Variants in GPC6 observed in about 807,000 individuals in gnomAD.
GPC6 encodes glypican 6, also known as glypican-6.
A neutral mutation model predicts 55.2 loss-of-function variants in GPC6; 14 were observed. The ratio of observed to expected loss-of-function variants is 0.25; its 90% CI spans 0.17 to 0.40. The LOEUF (loss-of-function observed/expected upper bound fraction) is 0.40, where lower values mean the gene tolerates loss of function less well. Among genes scored for constraint, GPC6 ranks in the 10% least tolerant of loss-of-function variants. The pLI, the probability that GPC6 is intolerant of heterozygous loss-of-function variation, is 1.00. For missense variants in GPC6, 641 were observed against 708.5 expected, an observed-to-expected ratio of 0.90 and a Z score of 1.08; for synonymous variants, 278 against 259.6, an observed-to-expected ratio of 1.07 and a Z score of -0.68.
chr13:93,939,389 G>A (rs189150969), intron 3 of GPC6, among the ~76,000 whole-genome samples: 1 of 150,932 alleles, frequency 6.6e-6, no homozygotes, highest in African/African-American at 2.4e-5. Context: ...CTGCACTCCA[G>A]CCTGGGCGAC....
rs566218703 is a variant in GPC6 at position 94,142,802 on chromosome 13, A to G, written c.877+114908A>G. Among the ~76,000 whole-genome samples the G allele has an allele frequency of 2.0e-5, 3 of 151,974 alleles. No individual in the cohort carries two copies. In the South Asian group the frequency reaches 6.2e-4, roughly 32 times the overall value. ...ATGTATATATAGGAGAGAGATAGAG[A>G]GGAACATTTTGGTCGTGGACGGCTA... is the stretch of plus-strand genomic sequence containing the variant. On this transcript the variant is annotated intron_variant, in intron 4 of 8. Transcript: ENST00000377047.
chr13:93,755,778 A>T (rs1016319938), intron 2 of GPC6, among the ~76,000 whole-genome samples: 1 of 152,236 alleles, frequency 6.6e-6, no homozygotes, highest in Admixed American at 6.6e-5. Flanking sequence ...ATTTTGAAAG[A>T]AAGATTCATT....
intron 2 of GPC6, among the ~76,000 whole-genome samples, chr13:93,555,277 A>T (rs1875396929): frequency 6.6e-6 from 1 of 152,142 alleles, no homozygotes; most frequent in Non-Finnish European, 1.5e-5. Context: ...TCTTCTAAAA[A>T]CTATGATCCA....
intron 1 of GPC6, among the ~76,000 whole-genome samples, chr13:93,487,769 T>C (rs114183360): frequency 1.6e-3 from 242 of 152,298 alleles, no homozygotes; most frequent in African/African-American, 5.7e-3. Context: ...CCGCATGTTC[T>C]AGGGGAAATA....
chr13:94,154,589 A>G lies in GPC6; in HGVS notation c.877+126695A>G, dbSNP rs79739067. 8.9e-3 allele frequency among the ~76,000 whole-genome samples: 1,353 copies of G among 152,236 alleles called. 22 individuals are homozygous for G. The highest frequency in any genetic ancestry group is 0.031 in the African/African-American group (1,276 of 41,540). On this transcript the variant is annotated intron_variant, in intron 4 of 8. Transcript: ENST00000377047. ...TGGTATTTTCACAGAGAGCAAGGCTATCAGCCTTGGAATCAAAAGACCTTG... is the reference window on the plus strand; with the variant it reads ...TGGTATTTTCACAGAGAGCAAGGCTGTCAGCCTTGGAATCAAAAGACCTTG...
intron 3 of GPC6, among the ~76,000 whole-genome samples, chr13:93,895,222 A>ATGTGTGTGTGTGTGTGTGTGTGTGTGTG (rs369480808): frequency 1.7e-4 from 9 of 53,594 alleles, no homozygotes; most frequent in African/African-American, 7.1e-4. Context: ...GTGTGTATGT[A>ATGTGTGTGTGTGTGTGTGTGTGTGTGTG]TGTGTGTGTG....
chr13:93,792,917 C>T (rs2138925115), intron 2 of GPC6, among the ~76,000 whole-genome samples: 1 of 152,268 alleles, frequency 6.6e-6, no homozygotes, highest in African/African-American at 2.4e-5. Flanking sequence ...GTTTGAGTTG[C>T]TTCTTGCTAG....
intron 2 of GPC6, among the ~76,000 whole-genome samples, chr13:93,727,728 C>T (rs1566506341): frequency 6.6e-6 from 1 of 152,140 alleles, no homozygotes; most frequent in South Asian, 2.1e-4. Context: ...GCCATTTGGC[C>T]AGTTTGCCAA....
chr13:93,321,531 C>T (rs1430033860), intron 1 of GPC6, among the ~76,000 whole-genome samples: 1 of 152,114 alleles, frequency 6.6e-6, no homozygotes, highest in Non-Finnish European at 1.5e-5. Flanking sequence ...ATTTTTAGAA[C>T]TGTAGTTGAA....
intron 4 of GPC6, among the ~76,000 whole-genome samples, chr13:94,101,244 G>T (rs1885846339): frequency 6.6e-6 from 1 of 152,220 alleles, no homozygotes; most frequent in Non-Finnish European, 1.5e-5. Flanking sequence ...AACCTAATAA[G>T]CTCAGGTGAA....
chr13:93,787,478 A>T (rs1885850314), intron 2 of GPC6, among the ~76,000 whole-genome samples: 1 of 152,214 alleles, frequency 6.6e-6, no homozygotes, highest in African/African-American at 2.4e-5. Flanking sequence ...CCCCTGTTCT[A>T]TAGGATTCTT....
intron 1 of GPC6, among the ~76,000 whole-genome samples, chr13:93,506,577 C>T (rs1880722266): frequency 6.6e-6 from 1 of 152,026 alleles, no homozygotes; most frequent in Non-Finnish European, 1.5e-5. Flanking sequence ...GCTACCAGTG[C>T]ATCTCAGAAC....
chr13:93,889,181 A>G (rs1875515747), intron 3 of GPC6, among the ~76,000 whole-genome samples: 2 of 152,108 alleles, frequency 1.3e-5, no homozygotes, highest in South Asian at 2.1e-4. Context: ...CTTATGAAAC[A>G]TTTATATACT....
At chr13:93,858,636 A>G (rs1888705972) in intron 3 of GPC6, among the ~76,000 whole-genome samples, 1 of 151,604 alleles carries the variant, frequency 6.6e-6, no homozygotes, top group Non-Finnish European at 1.5e-5. Flanking sequence ...ATTCAAGTTT[A>G]AAAACCTGTA....
chr13:94,340,993 A>C (rs998937848), intron 6 of GPC6, among the ~76,000 whole-genome samples: 1 of 152,242 alleles, frequency 6.6e-6, no homozygotes, highest in African/African-American at 2.4e-5. Context: ...TAACACTGGC[A>C]TTATCTTCTA....
At chr13:93,653,575 CGTGTGTGTGTGTGTGTGT>C (rs55845007) in intron 2 of GPC6, among the ~76,000 whole-genome samples, 1 of 145,648 alleles carries the variant, frequency 6.9e-6, no homozygotes, top group Admixed American at 6.9e-5. Context: ...AGTATATGGC[CGTGTGTGTGTGTGTGTGT>C]GTGTGTGTGT....
chr13:94,387,902 T>G (rs1450518725), intron 7 of GPC6, among the ~76,000 whole-genome samples: 1 of 152,102 alleles, frequency 6.6e-6, no homozygotes, highest in Non-Finnish European at 1.5e-5. Flanking sequence ...TTGTTTAAAC[T>G]GCCCAGTCTG....
At chr13:93,412,529 T>A (rs1439524630) in intron 1 of GPC6, among the ~76,000 whole-genome samples, 1 of 152,044 alleles carries the variant, frequency 6.6e-6, no homozygotes, top group Non-Finnish European at 1.5e-5. Context: ...TGGTGGCACA[T>A]GCCTGTAGCC....
chr13:94,342,771 C>G (rs1878106410), intron 6 of GPC6, among the ~76,000 whole-genome samples: 1 of 152,108 alleles, frequency 6.6e-6, no homozygotes, highest in Non-Finnish European at 1.5e-5. Flanking sequence ...GAGGTTGCCT[C>G]CTGCACCTCG....
Sources: gnomAD v4.1 joint callset for allele counts (sites outside exome capture counted in the v4.1 genomes callset) on GRCh38, gnomAD v4.1.1 for gene constraint, MANE v1.5 for transcripts, NCBI Gene and HGNC (gene_info 2026-07-23, HGNC 2026-07-21) for gene names.